The following FAM120B variants were observed in gnomAD, a reference collection of about 807,000 sequenced individuals.
FAM120B encodes the protein family with sequence similarity 120 member B, also known as constitutive coactivator of peroxisome proliferator-activated receptor gamma.
FAM120B carries 83 observed loss-of-function variants against 96.3 expected under a neutral mutation model. The ratio of observed to expected loss-of-function variants is 0.86; its 90% CI spans 0.72 to 1.03. The LOEUF is 1.03. Among genes scored for constraint, FAM120B ranks in the 50% least tolerant of loss-of-function variants. The pLI, the probability that FAM120B is intolerant of heterozygous loss-of-function variation, is 0.00. For missense variants in FAM120B, 1,027 were observed against 1,121.2 expected, an observed-to-expected ratio of 0.92 and a Z score of 1.20; for synonymous variants, 407 against 402.7, an observed-to-expected ratio of 1.01 and a Z score of -0.13.
chr6:170,316,076 A>AT (rs1252938926), intron 1 of FAM120B, among the ~76,000 whole-genome samples: 1 of 151,760 alleles, frequency 6.6e-6, no homozygotes, highest in Non-Finnish European at 1.5e-5. Flanking sequence ...AAAAAAAAAA[A>AT]AAAAAATCAG....
intron 4 of FAM120B, among the ~76,000 whole-genome samples, chr6:170,342,811 C>G (rs192497303): frequency 6.6e-5 from 10 of 152,324 alleles, no homozygotes; most frequent in Admixed American, 4.6e-4. Flanking sequence ...TGTTTTGTCT[C>G]TAAGTTCTTG....
intron 1 of FAM120B, among the ~76,000 whole-genome samples, chr6:170,299,783 G>A (rs1293732746): frequency 6.6e-6 from 1 of 152,202 alleles, no homozygotes; most frequent in Non-Finnish European, 1.5e-5. Context: ...GAAAGAAGGT[G>A]GTTTGAGTGC....
chr6:170,325,868 AG>A lies in FAM120B; in HGVS notation c.1915+2610del, dbSNP rs1250374205. ...CTTCATCTCAAAAAAAAAAAAAAAA[AG>A]TGGTTGATCTGGGGGTCTGTTAGAT... On this transcript the variant is annotated intron_variant, in intron 3 of 10. Coordinates refer to ENST00000476287, the MANE Select transcript of FAM120B (RefSeq NM_032448.3). Among the ~76,000 whole-genome samples, 9 of 146,018 alleles carry A rather than the reference AG, an allele frequency of 6.2e-5. No homozygotes were observed. In the East Asian group the frequency reaches 1.6e-3, roughly 25 times the overall value.
intron 8 of FAM120B, among the ~76,000 whole-genome samples, chr6:170,391,533 T>C (rs543409337): frequency 1.3e-5 from 2 of 150,252 alleles, no homozygotes; most frequent in Admixed American, 1.3e-4. Flanking sequence ...AGACTCCATC[T>C]CAAAAAAAAA....
Position 170,330,804 on chromosome 6 carries a change from C to G in FAM120B, c.2017+254C>G, listed in dbSNP as rs138821208. 561 of 492,352 alleles carry G rather than the reference C, an allele frequency of 1.1e-3. 3 individuals are homozygous for G. The highest frequency in any genetic ancestry group is 0.01 in the African/African-American group (514 of 50,890). 30.5% of individuals were successfully genotyped at this position (492,352 alleles called of 1,614,324 possible). Reference sequence around the variant, plus strand: ...TTTCTCCATCCACCCTGGTCCAGGTCCACAGCAGTGGAGAGAGAAAAGAGA... The same window carrying G: ...TTTCTCCATCCACCCTGGTCCAGGTGCACAGCAGTGGAGAGAGAAAAGAGA... On this transcript the variant is annotated intron_variant, in intron 4 of 10. Coordinates refer to ENST00000476287, the MANE Select transcript of FAM120B (RefSeq NM_032448.3).
intron 5 of FAM120B, among the ~76,000 whole-genome samples, chr6:170,354,961 A>G (rs1175425098): frequency 6.6e-6 from 1 of 152,170 alleles, no homozygotes; most frequent in Non-Finnish European, 1.5e-5. Flanking sequence ...TGCAGCCAAC[A>G]AACATATGAA....
At chr6:170,332,077 A>G (rs1022890391) in intron 4 of FAM120B, among the ~76,000 whole-genome samples, 16 of 151,868 alleles carry the variant, frequency 1.1e-4, no homozygotes, top group Non-Finnish European at 1.9e-4. Flanking sequence ...TCTTAAACAC[A>G]CTCATTTCCA....
At chr6:170,400,369 G>T (rs1778493222) in intron 9 of FAM120B, among the ~76,000 whole-genome samples, 1 of 152,142 alleles carries the variant, frequency 6.6e-6, no homozygotes, top group Non-Finnish European at 1.5e-5. Flanking sequence ...ATCTCAGAAG[G>T]CAGGTGGAGT....
intron 5 of FAM120B, among the ~76,000 whole-genome samples, chr6:170,350,324 C>T (rs998194009): frequency 6.6e-6 from 1 of 152,146 alleles, no homozygotes; most frequent in Non-Finnish European, 1.5e-5. Flanking sequence ...GGTCCAAGTT[C>T]CCAGGAAGAG....
chr6:170,317,815 G>T lies in FAM120B; in HGVS notation c.425G>T (p.Arg142Leu). 1.2e-6 allele frequency: 2 copies of T among 1,614,210 alleles called. No homozygotes were observed. Among genetic ancestry groups the T allele is most frequent in the Non-Finnish European group, 1.7e-6 (2 of 1,180,036 alleles). ...CCCTCAGGGCTAGCTGTGTTTACACGATTTGCTCTAAAGACACTGGGCCAG... is the reference window on the plus strand; with the variant it reads ...CCCTCAGGGCTAGCTGTGTTTACACTATTTGCTCTAAAGACACTGGGCCAG... Reference protein sequence around the residue: ...FIPSGLAVFTRFALKTLGQET... With the variant: ...FIPSGLAVFTLFALKTLGQET... Residue 142 changes from arginine to leucine, a missense_variant, in exon 2 of 11, where the codon CGA (arginine) becomes CTA (leucine). By Grantham distance (102) the Arg-to-Leu change is moderately radical (BLOSUM62 -2). Around this residue, in one of 3 missense-constraint regions of FAM120B, gnomAD observed 880 missense variants for 980.9 expected, o/e 0.90. Coordinates refer to ENST00000476287, the MANE Select transcript of FAM120B (RefSeq NM_032448.3).
chr6:170,368,817 G>A (rs1788968520), intron 6 of FAM120B, among the ~76,000 whole-genome samples: 1 of 66,864 alleles, frequency 1.5e-5, no homozygotes, highest in South Asian at 6.0e-4. Context: ...TGTCTGCCGG[G>A]GCTGGGGGGG....
Position 170,317,714 on chromosome 6 carries a change from C to A in FAM120B, c.324C>A (p.Asn108Lys), listed in dbSNP as rs1784987893. ...AATGGGTGAAACGAAGGCTCAAGAA[C>A]AACAGGGAGATATCCAGGATTTTTC... The part of the protein sequence containing the change: ...RDEWVKRRLK[N>K]NREISRIFHY... The change falls in exon 2 of 11, where the codon AAC becomes AAA. Residue 108 changes from asparagine to lysine, a missense_variant. Around this residue, in one of 3 missense-constraint regions of FAM120B, gnomAD observed 880 missense variants for 980.9 expected, o/e 0.90. Coordinates refer to ENST00000476287, the MANE Select transcript of FAM120B (RefSeq NM_032448.3). 3 of 1,614,028 alleles carry A rather than the reference C, an allele frequency of 1.9e-6. 1 individual carries two copies. Among genetic ancestry groups the A allele is most frequent in the South Asian group, 2.2e-5 (2 of 91,092 alleles).
chr6:170,353,194 T>C (rs1787688223), intron 5 of FAM120B, among the ~76,000 whole-genome samples: 1 of 152,030 alleles, frequency 6.6e-6, no homozygotes, highest in Admixed American at 6.5e-5. Context: ...AATCCCTGAA[T>C]AGACCAATTG....
chr6:170,400,066 G>A (rs1490620089), intron 9 of FAM120B, among the ~76,000 whole-genome samples: 1 of 150,128 alleles, frequency 6.7e-6, no homozygotes, highest in African/African-American at 2.5e-5. Context: ...AGTGAGTGGG[G>A]AAGGTAGAAC....
intron 5 of FAM120B, among the ~76,000 whole-genome samples, chr6:170,353,478 G>C (rs892397823): frequency 6.6e-6 from 1 of 152,130 alleles, no homozygotes; most frequent in African/African-American, 2.4e-5. Flanking sequence ...TATCCTTGAT[G>C]AACATTGATG....
At chr6:170,364,115 C>T (rs891107543) in intron 6 of FAM120B, among the ~76,000 whole-genome samples, 1 of 152,132 alleles carries the variant, frequency 6.6e-6, no homozygotes, top group African/African-American at 2.4e-5. Flanking sequence ...TCCCCTTGTT[C>T]AGTCACTGAG....
intron 6 of FAM120B, among the ~76,000 whole-genome samples, chr6:170,358,724 G>C (rs3734771): frequency 0.32 from 49,022 of 152,194 alleles, 9,223 homozygotes; most frequent in East Asian, 0.9. Context: ...TGGCGCGTTG[G>C]CTGTGGCAAG....
At position 170,318,888 on chromosome 6, in the gene FAM120B, A is replaced by G. The variant is rs1314321551; in HGVS notation, c.1498A>G (p.Thr500Ala). 1.2e-6 allele frequency: 2 copies of G among 1,614,130 alleles called. No homozygotes were observed. The highest frequency in any genetic ancestry group is 1.1e-5 in the South Asian group (1 of 91,094). The change falls in exon 2 of 11, where the codon ACA becomes GCA. Residue 500 changes from threonine to alanine, a missense_variant. Transcript: ENST00000476287. ...DPESRQEIMC[T>A]GHESKQEVPI... is the part of the protein sequence containing the mutation. ...TGAATCTAGGCAAGAAATTATGTGTACAGGCCATGAATCCAAACAGGAAGT... is the reference window on the plus strand; with the variant it reads ...TGAATCTAGGCAAGAAATTATGTGTGCAGGCCATGAATCCAAACAGGAAGT...
At chr6:170,332,858 C>G (rs1351671975) in intron 4 of FAM120B, among the ~76,000 whole-genome samples, 1 of 152,126 alleles carries the variant, frequency 6.6e-6, no homozygotes, top group Admixed American at 6.6e-5. Context: ...AGGATAATCT[C>G]ATAAGTGCTA....
Sources: allele counts gnomAD v4.1 joint callset (sites outside exome capture counted in the v4.1 genomes callset), GRCh38; gene constraint gnomAD v4.1.1; regional missense constraint gnomAD v4.1.1; transcripts MANE v1.5; gene names NCBI Gene and HGNC (gene_info 2026-07-23, HGNC 2026-07-21).